EPHA6: variants seen among roughly 807,000 people sequenced by gnomAD.
The protein encoded by EPHA6 is EPH receptor A6, also known as ephrin type-A receptor 6.
In EPHA6, 50 loss-of-function variants were observed where a neutral mutation model predicts 112.0. That is an observed-to-expected ratio of 0.45 (90% confidence interval 0.36 to 0.56). The LOEUF is 0.56. Ranked by LOEUF, EPHA6 falls within the 20% of genes least tolerant of loss-of-function variation. The pLI is 0.00. For synonymous variants in EPHA6, 529 were observed against 490.7 expected (o/e 1.08, Z -1.03); for missense variants, 1,280 against 1,417.4 (o/e 0.90, Z 1.56).
intron 3 of EPHA6, among the ~76,000 whole-genome samples, chr3:97,219,160 G>A (rs538836008): frequency 1.1e-4 from 16 of 152,132 alleles, no homozygotes; most frequent in Non-Finnish European, 1.8e-4. Context: ...TTGAGTGTCT[G>A]TGGCTTTTCC....
chr3:96,933,332 TA>T (rs1189270365), intron 2 of EPHA6, among the ~76,000 whole-genome samples: 1 of 152,208 alleles, frequency 6.6e-6, no homozygotes, highest in African/African-American at 2.4e-5. Context: ...TTCCTCTGAC[TA>T]ACAATATATT....
At chr3:97,607,744 G>T (rs891432697) in intron 12 of EPHA6, among the ~76,000 whole-genome samples, 4 of 151,102 alleles carry the variant, frequency 2.6e-5, no homozygotes, top group Admixed American at 6.6e-5. Context: ...TGAGGCAGAA[G>T]GGGTGACTGG....
At chr3:96,921,875 C>T (rs1173695265) in intron 2 of EPHA6, among the ~76,000 whole-genome samples, 2 of 152,056 alleles carry the variant, frequency 1.3e-5, no homozygotes, top group Non-Finnish European at 2.9e-5. Context: ...GCCTAAAAAA[C>T]CTAACTTTTG....
chr3:97,504,661 C>CTG (rs1382430712), intron 10 of EPHA6, among the ~76,000 whole-genome samples: 1 of 152,172 alleles, frequency 6.6e-6, no homozygotes, highest in African/African-American at 2.4e-5. Context: ...AAGGATTCAA[C>CTG]TGAGGACCCA....
chr3:97,710,271 A>G (rs971205848), intron 14 of EPHA6, among the ~76,000 whole-genome samples: 2 of 152,168 alleles, frequency 1.3e-5, no homozygotes, highest in Admixed American at 1.3e-4. Context: ...ACTGCCTCTA[A>G]AGATGTCATT....
At chr3:97,603,623 A>T (rs1307308996) in intron 12 of EPHA6, among the ~76,000 whole-genome samples, 2 of 151,988 alleles carry the variant, frequency 1.3e-5, no homozygotes, top group African/African-American at 4.8e-5. Context: ...ACCATAAAAC[A>T]TGTTACAGGC....
At chr3:97,184,891 A>C (rs186374876) in intron 3 of EPHA6, among the ~76,000 whole-genome samples, 115 of 152,280 alleles carry the variant, frequency 7.6e-4, no homozygotes, top group African/African-American at 2.6e-3. Flanking sequence ...AACAGAACAG[A>C]ATCCTCAGAA....
At chr3:97,290,361 T>C (rs945315302) in intron 5 of EPHA6, among the ~76,000 whole-genome samples, 3 of 152,116 alleles carry the variant, frequency 2.0e-5, no homozygotes, top group Non-Finnish European at 4.4e-5. Flanking sequence ...TCTAAGTATG[T>C]GGTGGATCTT....
chr3:97,638,019 A>G lies in EPHA6; in HGVS notation c.2721A>G (p.Lys907=), dbSNP rs761211944. Residue 907 remains lysine (K), a synonymous_variant, in exon 14 of 18, where the codon AAA becomes AAG. Coordinates refer to ENST00000389672, the MANE Select transcript of EPHA6 (RefSeq NM_001080448.3). ...NILVNSNLVC[K]VSDFGLSRVL... ...TGGTCAATAGCAACTTAGTATGCAAAGTTTCTGATTTTGGTCTCTCCAGAG... is the reference window on the plus strand; with the variant it reads ...TGGTCAATAGCAACTTAGTATGCAAGGTTTCTGATTTTGGTCTCTCCAGAG... 4 of 1,613,786 alleles carry G rather than the reference A, an allele frequency of 2.5e-6. No individual in the cohort carries two copies. Among genetic ancestry groups the G allele is most frequent in the Non-Finnish European group, 3.4e-6 (4 of 1,179,838 alleles).
intron 14 of EPHA6, among the ~76,000 whole-genome samples, chr3:97,711,194 C>A (rs1377083432): frequency 6.6e-6 from 1 of 152,116 alleles, no homozygotes; most frequent in Non-Finnish European, 1.5e-5. Flanking sequence ...TTCACAAGCT[C>A]TCTCTCTGTC....
At chr3:97,478,837 A>T (rs1013688038) in intron 8 of EPHA6, among the ~76,000 whole-genome samples, 3 of 152,134 alleles carry the variant, frequency 2.0e-5, no homozygotes, top group African/African-American at 7.2e-5. Flanking sequence ...TCTTGAGAGC[A>T]TGGTTATCCA....
intron 2 of EPHA6, among the ~76,000 whole-genome samples, chr3:96,985,247 A>G (rs2042975100): frequency 6.6e-6 from 1 of 152,212 alleles, no homozygotes; most frequent in African/African-American, 2.4e-5. Context: ...GATGTAGTAT[A>G]GACATTAATA....
chr3:97,091,412 C>T (rs969500148), intron 3 of EPHA6, among the ~76,000 whole-genome samples: 12 of 152,014 alleles, frequency 7.9e-5, no homozygotes, highest in African/African-American at 1.9e-4. Flanking sequence ...GATTACATTC[C>T]GAACAAATGT....
chr3:97,479,516 T>G (rs2091470519), intron 9 of EPHA6, among the ~76,000 whole-genome samples, 152 bp downstream of exon 9: 1 of 152,198 alleles, frequency 6.6e-6, no homozygotes, highest in African/African-American at 2.4e-5. Context: ...TTTCCAGGTT[T>G]GTTGGTGAAA....
In EPHA6 at chr3:97,736,179, G is replaced by A. The variant is rs1320130991; in HGVS notation, c.3128+61G>A. 7 of 1,401,730 alleles carry A rather than the reference G, an allele frequency of 5.0e-6. No homozygotes were observed. In the Admixed American group the frequency reaches 1.2e-4, roughly 25 times the overall value. The allele number at this position is 1,401,730 out of a possible 1,614,324, so 86.8% of individuals were successfully genotyped here. ...CAATTATGGTTTCTTTCAGGCTATA[G>A]ATAATAATAACAGGTAGAAAGGAAA... On this transcript the variant is annotated intron_variant, in intron 16 of 17. Transcript: ENST00000389672.
intron 3 of EPHA6, among the ~76,000 whole-genome samples, chr3:97,212,195 G>A (rs2077895773): frequency 6.6e-6 from 1 of 152,048 alleles, no homozygotes; most frequent in East Asian, 1.9e-4. Context: ...ATACTAAATA[G>A]TATTTCATTT....
At chr3:97,203,652 A>G (rs946592009) in intron 3 of EPHA6, among the ~76,000 whole-genome samples, 1 of 152,078 alleles carries the variant, frequency 6.6e-6, no homozygotes, top group Non-Finnish European at 1.5e-5. Context: ...AAAACAAAAA[A>G]ACAGTTTGGG....
At chr3:97,638,784 C>A (rs1281511796) in intron 14 of EPHA6, among the ~76,000 whole-genome samples, 1 of 152,108 alleles carries the variant, frequency 6.6e-6, no homozygotes, top group Non-Finnish European at 1.5e-5. Context: ...CTTCAAGCTA[C>A]TAATTCATAA....
At chr3:96,847,914 A>T (rs1434591953) in intron 1 of EPHA6, among the ~76,000 whole-genome samples, 1 of 152,104 alleles carries the variant, frequency 6.6e-6, no homozygotes, top group African/African-American at 2.4e-5. Flanking sequence ...ATCAAAAGCC[A>T]ATGTTAAGAT....
Sources: gnomAD v4.1 joint callset for allele counts (sites outside exome capture counted in the v4.1 genomes callset) on GRCh38, gnomAD v4.1.1 for gene constraint, MANE v1.5 for transcripts, NCBI Gene and HGNC (gene_info 2026-07-23, HGNC 2026-07-21) for gene names.